The following FHIT variants were observed in gnomAD, a reference collection of about 807,000 sequenced individuals.
The protein encoded by FHIT is fragile histidine triad diadenosine triphosphatase.
FHIT carries 19 observed loss-of-function variants against 17.9 expected under a neutral mutation model. That is an observed-to-expected ratio of 1.06 (90% CI 0.74 to 1.56). The LOEUF is 1.56. FHIT is among the 40% of genes most tolerant of loss of function. FHIT has a pLI of 0.00. For missense variants in FHIT, 248 were observed against 189.2 expected, an observed-to-expected ratio of 1.31 and a Z score of -1.82; for synonymous variants, 81 against 69.7, an observed-to-expected ratio of 1.16 and a Z score of -0.81.
At chr3:61,249,936 AC>A (rs1560111456) in intron 1 of FHIT, among the ~76,000 whole-genome samples, 1 of 8,318 alleles carries the variant, frequency 1.2e-4, no homozygotes, top group Admixed American at 1.1e-3. Flanking sequence ...CAATAACAAC[AC>A]ACACACACAC....
At chr3:60,634,303 C>A (rs1406345491) in intron 4 of FHIT, among the ~76,000 whole-genome samples, 5 of 151,860 alleles carry the variant, frequency 3.3e-5, no homozygotes, top group Non-Finnish European at 5.9e-5. Context: ...AAAAAAAAAT[C>A]TTTTCAAAAG....
At chr3:60,814,526 A>G (rs1209401655) in intron 4 of FHIT, among the ~76,000 whole-genome samples, 8 of 152,164 alleles carry the variant, frequency 5.3e-5, no homozygotes, top group Non-Finnish European at 1.2e-4. Context: ...GTGGCTGCAA[A>G]GGACATGATT....
chr3:59,786,071 C>A (rs1699276247), intron 8 of FHIT, among the ~76,000 whole-genome samples: 1 of 152,174 alleles, frequency 6.6e-6, no homozygotes, highest in African/African-American at 2.4e-5. Context: ...GTAAATATAT[C>A]TTGGCTTGAT....
intron 5 of FHIT, among the ~76,000 whole-genome samples, chr3:60,317,779 G>T (rs1709231250): frequency 1.5e-5 from 2 of 131,406 alleles, no homozygotes; most frequent in South Asian, 2.3e-4. Context: ...TTCTGGGCAA[G>T]TTTTTCTTCT....
At chr3:60,338,287 T>C (rs1362205006) in intron 5 of FHIT, among the ~76,000 whole-genome samples, 1 of 152,228 alleles carries the variant, frequency 6.6e-6, no homozygotes, top group Non-Finnish European at 1.5e-5. Context: ...AAAGCATATA[T>C]ACCTGATTTT....
intron 3 of FHIT, among the ~76,000 whole-genome samples, chr3:61,034,318 G>A (rs1360402056): frequency 2.6e-5 from 4 of 152,036 alleles, no homozygotes; most frequent in Non-Finnish European, 5.9e-5. Context: ...TCAAAAAAAT[G>A]AAAAGACAAT....
intron 5 of FHIT, among the ~76,000 whole-genome samples, chr3:60,311,735 TG>T (rs1708956454): frequency 6.6e-6 from 1 of 152,184 alleles, no homozygotes; most frequent in African/African-American, 2.4e-5. Context: ...AGCTATCATT[TG>T]TATGGGCTCC....
At chr3:60,896,587 A>G (rs1245436715) in intron 3 of FHIT, among the ~76,000 whole-genome samples, 1 of 152,198 alleles carries the variant, frequency 6.6e-6, no homozygotes, top group Non-Finnish European at 1.5e-5. Context: ...ACAAATGTAT[A>G]AAGTTCAAGA....
intron 2 of FHIT, among the ~76,000 whole-genome samples, chr3:61,196,903 T>C (rs2038867780): frequency 6.6e-6 from 1 of 152,120 alleles, no homozygotes. Context: ...CTTCATCCAG[T>C]TCCTTCCCCT....
intron 5 of FHIT, among the ~76,000 whole-genome samples, chr3:60,092,027 C>T (rs1703754580): frequency 2.0e-5 from 3 of 152,198 alleles, no homozygotes; most frequent in Admixed American, 6.5e-5. Context: ...CTGCTACCCA[C>T]AGGCTCCACT....
At chr3:60,248,503 G>A (rs1174837974) in intron 5 of FHIT, among the ~76,000 whole-genome samples, 1 of 152,086 alleles carries the variant, frequency 6.6e-6, no homozygotes, top group Non-Finnish European at 1.5e-5. Context: ...AGAGAAGGCA[G>A]GTAAAGGACA....
chr3:60,987,958 G>A (rs1009354045), intron 3 of FHIT, among the ~76,000 whole-genome samples: 12 of 151,990 alleles, frequency 7.9e-5, no homozygotes, highest in African/African-American at 2.4e-4. Context: ...TTTTCCATCC[G>A]GATTCTAAAA....
At chr3:60,537,592 T>G (rs2036030682) in intron 4 of FHIT, 1 of 278,406 alleles carries the variant, frequency 3.6e-6, no homozygotes, top group Admixed American at 6.5e-5. Context: ...AATTCCTGGT[T>G]GTAACAGGGC....
chr3:60,109,521 C>T (rs1704579434), intron 5 of FHIT, among the ~76,000 whole-genome samples: 1 of 152,072 alleles, frequency 6.6e-6, no homozygotes, highest in Non-Finnish European at 1.5e-5. Flanking sequence ...AATCACAACC[C>T]TTAGGGTTTA....
At chr3:60,994,910 G>T (rs1010801575) in intron 3 of FHIT, among the ~76,000 whole-genome samples, 35 of 152,098 alleles carry the variant, frequency 2.3e-4, no homozygotes, top group African/African-American at 7.7e-4. Context: ...AGTGTTGCCA[G>T]GTTTTCCAAT....
chr3:60,832,548 T>TA (rs1305833604), intron 3 of FHIT, among the ~76,000 whole-genome samples: 4 of 152,218 alleles, frequency 2.6e-5, no homozygotes, highest in Admixed American at 2.6e-4. Flanking sequence ...ATTGTGCCTT[T>TA]AAAAAAACCA....
At position 60,029,821 on chromosome 3, in the gene FHIT, T is replaced by C. The variant is rs533727914; in HGVS notation, c.104-15669A>G. Among the ~76,000 whole-genome samples, 146 of 151,726 alleles carry C rather than the reference T, an allele frequency of 9.6e-4. No individual in the cohort carries two copies. In the Middle Eastern group the frequency reaches 0.01, roughly 11 times the overall value. On this transcript the variant is annotated intron_variant, in intron 5 of 9. Coordinates refer to ENST00000492590, the MANE Select transcript of FHIT (RefSeq NM_002012.4). ...CCTTGGTTACTAGGATCAATAACATTGTAGCACCAGAAAGAGGTTGGACAG... is the reference window on the plus strand; with the variant it reads ...CCTTGGTTACTAGGATCAATAACATCGTAGCACCAGAAAGAGGTTGGACAG...
rs1385450968 is a variant in FHIT at position 59,749,151 on chromosome 3, C to T, written c.*434G>A. Among the ~76,000 whole-genome samples, 2 of 152,024 alleles carry T rather than the reference C, an allele frequency of 1.3e-5. No individual in the cohort carries two copies. The highest frequency in any genetic ancestry group is 1.5e-5 in the Non-Finnish European group (1 of 68,004). Reference sequence around the variant, plus strand: ...CACATTTCAGGGGTTTCATGAACCACTTAATGTATAAAAATTCAATATGTA... The same window carrying T: ...CACATTTCAGGGGTTTCATGAACCATTTAATGTATAAAAATTCAATATGTA... On this transcript the variant is annotated 3_prime_UTR_variant, in exon 10 of 10. Coordinates refer to ENST00000492590, the MANE Select transcript of FHIT (RefSeq NM_002012.4).
chr3:59,952,374 T>C (rs1246825443), intron 7 of FHIT, among the ~76,000 whole-genome samples: 3 of 152,276 alleles, frequency 2.0e-5, no homozygotes, highest in East Asian at 1.9e-4. Context: ...TTGGAGACCC[T>C]CGGGACATGC....
Sources: gnomAD v4.1 joint callset for allele counts (sites outside exome capture counted in the v4.1 genomes callset) on GRCh38, gnomAD v4.1.1 for gene constraint, MANE v1.5 for transcripts, NCBI Gene and HGNC (gene_info 2026-07-23, HGNC 2026-07-21) for gene names.